The following TNNT2 variants were observed in gnomAD, a reference collection of about 807,000 sequenced individuals.
TNNT2 encodes the protein troponin T2, cardiac type.
A neutral mutation model predicts 62.4 loss-of-function variants in TNNT2; 34 were observed. The ratio of observed to expected loss-of-function variants is 0.54; its 90% CI spans 0.41 to 0.72. The LOEUF is 0.72. Among genes scored for constraint, TNNT2 ranks in the 30% least tolerant of loss-of-function variants. The probability of loss-of-function intolerance (pLI) is 0.00; values close to 1 mark genes in which losing one functional copy is unlikely to be tolerated. For synonymous variants in TNNT2, 123 were observed against 127.2 expected, an observed-to-expected ratio of 0.97 and a Z score of 0.22; for missense variants, 275 against 381.9, an observed-to-expected ratio of 0.72 and a Z score of 2.33.
chr1:201,373,480 C>A, intron 1 of TNNT2: 2 of 607,078 alleles, frequency 3.3e-6, no homozygotes, highest in Admixed American at 2.5e-5. Context: ...CTGCTGATGT[C>A]CACTTCGTTC....
chr1:201,359,680 A>G lies in TNNT2; in HGVS notation c.811-17T>C, dbSNP rs1002828059. ...AACATTGATCTGCAAGAAAAGTGGG[A>G]AGGACAAAGAGCAACGCTGGAGCTG... On this transcript the variant is annotated splice_polypyrimidine_tract_variant and intron_variant, in intron 15 of 16. Transcript: ENST00000656932. 8 of 1,581,464 alleles carry G rather than the reference A, an allele frequency of 5.1e-6. No homozygotes were observed. In the African/African-American group the frequency reaches 1.1e-4, roughly 21 times the overall value.
intron 5 of TNNT2, 61 bp from the exon 6 acceptor site, chr1:201,368,288 C>G: frequency 6.3e-7 from 1 of 1,577,526 alleles, no homozygotes; most frequent in South Asian, 1.1e-5. Context: ...CAGGCAGAAC[C>G]CAGAGCAGAG....
At chr1:201,362,158 C>T (rs758824912) in intron 13 of TNNT2, 136 bp from the exon 14 acceptor site, 4 of 1,150,478 alleles carry the variant, frequency 3.5e-6, no homozygotes, top group Non-Finnish European at 5.2e-6. Flanking sequence ...GCCACACCCC[C>T]CAACTACCAA....
chr1:201,372,130 C>T lies in TNNT2; in HGVS notation c.52+15G>A. ...GCTGTCTTTGATCCAAATGAGTACA[C>T]ACGTTTACGCTTACCTTCCTGCTCC... On this transcript the variant is annotated intron_variant, in intron 3 of 16. Coordinates refer to ENST00000656932, the MANE Select transcript of TNNT2 (RefSeq NM_001276345.2). 1 of 1,614,182 alleles carries T rather than the reference C, an allele frequency of 6.2e-7. No individual in the cohort carries two copies. Among genetic ancestry groups the T allele is most frequent in the Non-Finnish European group, 8.5e-7 (1 of 1,180,042 alleles).
At chr1:201,365,165 G>A (rs1000817161) in intron 10 of TNNT2, 26 bp downstream of exon 10, 2 of 1,569,126 alleles carry the variant, frequency 1.3e-6, no homozygotes, top group Non-Finnish European at 1.8e-6. Context: ...ATCAGAGAAT[G>A]TTAGGTGGGC....
At chr1:201,362,542 C>T (rs878890040) in intron 12 of TNNT2, 148 bp from the exon 13 acceptor site, 7 of 1,025,700 alleles carry the variant, frequency 6.8e-6, no homozygotes, top group South Asian at 3.1e-5. Context: ...TTTACTAGGA[C>T]GTGGGTCTGA....
chr1:201,363,144 A>G lies in TNNT2; in HGVS notation c.600+152T>C, dbSNP rs1260667212. On this transcript the variant is annotated intron_variant, in intron 12 of 16. Coordinates refer to ENST00000656932, the MANE Select transcript of TNNT2 (RefSeq NM_001276345.2). ...CCGCGGTCAGGCTGAAAACCAGCTC[A>G]GGGCTGGGCATGAGGAGACCTCAGT... 2.6e-6 allele frequency: 4 copies of G among 1,543,014 alleles called. No individual in the cohort carries two copies. The East Asian group carries it at 7.0e-5, about 27-fold the overall frequency.
intron 3 of TNNT2, 26 bp from the exon 4 acceptor site, chr1:201,372,067 CAAGAG>C (rs753769163): frequency 1.9e-6 from 3 of 1,613,898 alleles, no homozygotes; most frequent in African/African-American, 1.3e-5. Context: ...GTCCAGGCAG[CAAGAG>C]AAGAGAGAAG....
rs762515575 is a variant in TNNT2, at chr1:201,361,428, C to T, written c.720-59G>A. The T allele has an allele frequency of 3.6e-5, 53 of 1,468,910 alleles. No homozygotes were observed. In the East Asian group the frequency reaches 5.4e-4, roughly 15 times the overall value. The allele number at this position is 1,468,910 out of a possible 1,614,324, so 91.0% of individuals were successfully genotyped here. A position where few individuals can be genotyped will look rare whatever the true frequency, so the allele number is the denominator to read the frequency against. On this transcript the variant is annotated intron_variant, in intron 14 of 16. Transcript: ENST00000656932. ...GTAAGAAAGGGCCCTCCTGGGCCTC[C>T]GTCCTGGTCCCGGCCCAGCCCCCAG...
At position 201,362,452 on chromosome 1, in the gene TNNT2, G is replaced by C; in HGVS notation, c.601-58C>G. The C allele has an allele frequency of 1.9e-6, 3 of 1,590,132 alleles. No homozygotes were observed. In the Admixed American group the frequency reaches 5.1e-5, roughly 27 times the overall value. On this transcript the variant is annotated intron_variant, in intron 12 of 16. Coordinates refer to ENST00000656932, the MANE Select transcript of TNNT2 (RefSeq NM_001276345.2). Reference sequence around the variant, plus strand: ...AGAAAAAGACCAAGACGGCAACAGAGACACAGAGAGAAGGCAGGAAGACAA... The same window carrying C: ...AGAAAAAGACCAAGACGGCAACAGACACACAGAGAGAAGGCAGGAAGACAA...
chr1:201,364,405 T>A (rs1475528537), intron 10 of TNNT2, 30 bp from the exon 11 acceptor site: 4 of 1,608,204 alleles, frequency 2.5e-6, no homozygotes, highest in African/African-American at 1.3e-5. Context: ...CCCACCCAGG[T>A]GTGCATAGGG....
rs766397871 is a variant in TNNT2, at chr1:201,365,683, G to A, written c.234-13C>T. The stretch of plus-strand genomic sequence containing the variant: ...GGGCATGAACGACCTGTTGGAGAGA[G>A]GAATAGTCAGCATCAGCCCCATTCT... On this transcript the variant is annotated splice_polypyrimidine_tract_variant and intron_variant, in intron 8 of 16. Transcript: ENST00000656932. The A allele has an allele frequency of 2.5e-6, 4 of 1,613,426 alleles. No individual in the cohort carries two copies. The highest frequency in any genetic ancestry group is 2.7e-5 in the African/African-American group (2 of 74,916).
At chr1:201,372,707 C>T (rs1034992331) in intron 2 of TNNT2, among the ~76,000 whole-genome samples, 5 of 152,250 alleles carry the variant, frequency 3.3e-5, no homozygotes, top group African/African-American at 9.6e-5. Context: ...TGTCTCCTCC[C>T]TGGTGACCAC....
At position 201,361,948 on chromosome 1, in the gene TNNT2, C is replaced by G; in HGVS notation, c.684G>C (p.Val228=). The change falls in exon 14 of 17, where the codon GTG becomes GTC. Residue 228 remains valine (V), a synonymous_variant. Transcript: ENST00000656932. ...KKKILAERRK[V]LAIDHLNEDQ... is the part of the protein sequence containing the mutation. ...CTTCATTCAGGTGGTCAATGGCCAG[C>G]ACCTTCCTCCTCTCAGCCAGAATCT... 6.2e-7 allele frequency: 1 copy of G among 1,614,242 alleles called. No homozygotes were observed. Among genetic ancestry groups the G allele is most frequent in the Non-Finnish European group, 8.5e-7 (1 of 1,180,042 alleles).
At position 201,372,012 on chromosome 1, in the gene TNNT2, G is replaced by A. The variant is rs1304391137; in HGVS notation, c.67+15C>T. ...CCTGCCCCTTTCTGGCTCTCCACCT[G>A]CCTGAGGCACATACCTTCAACAGCT... On this transcript the variant is annotated intron_variant, in intron 4 of 16. Transcript: ENST00000656932. 6.2e-7 allele frequency: 1 copy of A among 1,613,726 alleles called. No homozygotes were observed. Among genetic ancestry groups the A allele is most frequent in the South Asian group, 1.1e-5 (1 of 91,048 alleles).
intron 1 of TNNT2, 92 bp from the exon 2 acceptor site, chr1:201,373,360 G>A (rs556637776): frequency 1.8e-6 from 2 of 1,140,140 alleles, no homozygotes; most frequent in African/African-American, 1.5e-5. Context: ...GATCAGCGAG[G>A]CCTAGGGTGA....
Position 201,369,826 on chromosome 1 carries a change from C to T in TNNT2, c.87G>A (p.Glu29=). ...GAAAGGCTGTACTACCGTCTTCGTC[C>T]TCTCTCCAGTCCTCCTCTTCTGAGG... ...AAVEEEEDWR[E]DEDEQEEAAE... is the part of the protein sequence containing the mutation. Residue 29 remains glutamate, a synonymous_variant, in exon 5 of 17, where the codon GAG becomes GAA. Transcript: ENST00000656932. The T allele has an allele frequency of 6.2e-7, 1 of 1,614,224 alleles. No individual in the cohort carries two copies. The highest frequency in any genetic ancestry group is 8.5e-7 in the Non-Finnish European group (1 of 1,180,036).
rs1658094913 is a variant in TNNT2 at position 201,359,068 on chromosome 1, G to A, written c.*142C>T. On this transcript the variant is annotated 3_prime_UTR_variant, in exon 17 of 17. Transcript: ENST00000656932. The stretch of plus-strand genomic sequence containing the variant: ...GTGGAGTGGGTGTGGGGGCAGGCAG[G>A]AGTGGTGGCTCCCACCTAGGCCAGC... The A allele has an allele frequency of 2.0e-6, 2 of 991,604 alleles. No homozygotes were observed. Among genetic ancestry groups the A allele is most frequent in the Middle Eastern group, 3.0e-4 (1 of 3,370 alleles). 61.4% of individuals were successfully genotyped at this position (991,604 alleles called of 1,614,324 possible).
chr1:201,376,086 C>A (rs1330146904), intron 1 of TNNT2, among the ~76,000 whole-genome samples: 2 of 152,156 alleles, frequency 1.3e-5, no homozygotes, highest in Non-Finnish European at 1.5e-5. Flanking sequence ...GGGCAAGGAA[C>A]CAGAATGTCC....
Sources: allele counts gnomAD v4.1 joint callset (sites outside exome capture counted in the v4.1 genomes callset), GRCh38; gene constraint gnomAD v4.1.1; transcripts MANE v1.5; gene names NCBI Gene and HGNC (gene_info 2026-07-23, HGNC 2026-07-21).